Variants in ARHGAP31 observed in about 807,000 individuals in gnomAD.
The protein encoded by ARHGAP31 is rho GTPase-activating protein 31.
A neutral mutation model predicts 113.9 loss-of-function variants in ARHGAP31; 34 were observed. The observed-to-expected ratio is 0.30, with a 90% CI of 0.23 to 0.40. ARHGAP31 has a LOEUF of 0.40. ARHGAP31 is among the 10% of genes least tolerant of loss of function. The pLI, the probability that ARHGAP31 is intolerant of heterozygous loss-of-function variation, is 1.00. For synonymous variants in ARHGAP31, 650 were observed against 684.8 expected (o/e 0.95, Z 0.79); for missense variants, 1,548 against 1,767.1 (o/e 0.88, Z 2.22).
At position 119,419,719 on chromosome 3, in the gene ARHGAP31, C is replaced by T. The variant is rs1292212091; in HGVS notation, c.*3455C>T. On this transcript the variant is annotated 3_prime_UTR_variant, in exon 12 of 12. Transcript: ENST00000264245. The stretch of plus-strand genomic sequence containing the variant: ...ACGGTATTCAAGTGACCTACTGACT[C>T]CAAATAATCAAATTGAACACAATTG... The T allele has an allele frequency of 6.6e-6, 1 of 152,196 alleles. No individual in the cohort carries two copies. The highest frequency in any genetic ancestry group is 1.9e-4 in the East Asian group (1 of 5,198). 9.4% of individuals were successfully genotyped at this position (152,196 alleles called of 1,614,324 possible).
At position 119,415,938 on chromosome 3, in the gene ARHGAP31, C is replaced by T. The variant is rs1280590375; in HGVS notation, c.4009C>T (p.His1337Tyr). 3 of 1,614,052 alleles carry T rather than the reference C, an allele frequency of 1.9e-6. No individual in the cohort carries two copies. The highest frequency in any genetic ancestry group is 2.5e-6 in the Non-Finnish European group (3 of 1,180,052). The stretch of plus-strand genomic sequence containing the variant: ...ACCATCTGGGGGTTCTAAGCCTTTC[C>T]ACAGGTCAAGGCCAGGAAGACCTCA... ...ERPSGGSKPFHRSRPGRPQSL... is the reference protein window; with the variant it reads ...ERPSGGSKPFYRSRPGRPQSL... Residue 1337 changes from histidine (H) to tyrosine (Y), a missense_variant, in exon 12 of 12, where the codon CAC becomes TAC. By Grantham distance (83) the His-to-Tyr change is moderately conservative. Coordinates refer to ENST00000264245, the MANE Select transcript of ARHGAP31 (RefSeq NM_020754.4).
chr3:119,295,029 C>G (rs761986022), intron 1 of ARHGAP31, 25 bp downstream of exon 1: 8 of 1,603,992 alleles, frequency 5.0e-6, no homozygotes, highest in African/African-American at 1.3e-5. Flanking sequence ...CCTTTCTCCC[C>G]CGCCCCCACC....
chr3:119,391,589 A>ACCCCCAC (rs2080503828), intron 7 of ARHGAP31, among the ~76,000 whole-genome samples: 1 of 103,756 alleles, frequency 9.6e-6, no homozygotes, highest in Non-Finnish European at 2.0e-5. Flanking sequence ...CTGGGTCTCT[A>ACCCCCAC]CCCCCCCCTC....
chr3:119,325,619 T>C (rs2079834142), intron 1 of ARHGAP31, among the ~76,000 whole-genome samples: 1 of 136,016 alleles, frequency 7.4e-6, no homozygotes, highest in South Asian at 2.4e-4. Context: ...CTCCTAGTTC[T>C]GTATACCCAA....
intron 1 of ARHGAP31, among the ~76,000 whole-genome samples, chr3:119,345,996 C>G (rs1222137509): frequency 1.3e-5 from 2 of 152,238 alleles, no homozygotes; most frequent in African/African-American, 2.4e-5. Flanking sequence ...TCCGTCACAT[C>G]TCCTGCATCC....
At chr3:119,391,282 T>C (rs1705020804) in intron 7 of ARHGAP31, among the ~76,000 whole-genome samples, 1 of 152,178 alleles carries the variant, frequency 6.6e-6, no homozygotes, top group Non-Finnish European at 1.5e-5. Flanking sequence ...GAAATTCCTG[T>C]CTTTTTAGTG....
intron 1 of ARHGAP31, among the ~76,000 whole-genome samples, chr3:119,362,490 G>A (rs2080216928): frequency 1.3e-5 from 2 of 152,214 alleles, no homozygotes; most frequent in Non-Finnish European, 2.9e-5. Flanking sequence ...AGATGAGGCT[G>A]GGCGAGGTGG....
chr3:119,379,023 C>G (rs1357357408), intron 3 of ARHGAP31, among the ~76,000 whole-genome samples: 1 of 152,208 alleles, frequency 6.6e-6, no homozygotes, highest in Non-Finnish European at 1.5e-5. Flanking sequence ...AAGATTCCCA[C>G]ATAGAGAAGT....
intron 1 of ARHGAP31, among the ~76,000 whole-genome samples, chr3:119,355,573 G>A (rs754177134): frequency 2.0e-5 from 3 of 151,572 alleles, no homozygotes; most frequent in Non-Finnish European, 2.9e-5. Flanking sequence ...TGCCATGTTG[G>A]TGTGCTGCAC....
chr3:119,324,539 A>G (rs1010429618), intron 1 of ARHGAP31, among the ~76,000 whole-genome samples: 5 of 152,214 alleles, frequency 3.3e-5, no homozygotes, highest in African/African-American at 9.7e-5. Flanking sequence ...GTGAAATCCA[A>G]AAAGCTTGGG....
At chr3:119,350,452 T>C (rs1207428545) in intron 1 of ARHGAP31, among the ~76,000 whole-genome samples, 4 of 152,140 alleles carry the variant, frequency 2.6e-5, no homozygotes, top group Non-Finnish European at 5.9e-5. Flanking sequence ...GTCAGTAAAA[T>C]TGATTTTAGA....
In ARHGAP31 at chr3:119,313,413, A is replaced by G. The variant is rs77998891; in HGVS notation, c.100+18409A>G. 9.1e-3 allele frequency among the ~76,000 whole-genome samples: 1,384 copies of G among 152,326 alleles called. 33 individuals carry two copies. Among genetic ancestry groups the G allele is most frequent in the African/African-American group, 0.032 (1,312 of 41,556 alleles). On this transcript the variant is annotated intron_variant, in intron 1 of 11. Coordinates refer to ENST00000264245, the MANE Select transcript of ARHGAP31 (RefSeq NM_020754.4). Reference sequence around the variant, plus strand: ...GATTTCACTTATTATCTAAATATTGATCACTTATCTATTGAATATATGAGC... The same window carrying G: ...GATTTCACTTATTATCTAAATATTGGTCACTTATCTATTGAATATATGAGC...
At position 119,363,597 on chromosome 3, in the gene ARHGAP31, T is replaced by G. The variant is rs139929608; in HGVS notation, c.101-1719T>G. ...GTGAACTTTATTGAGCACTTAAAAT[T>G]ACAGTTACTTGAAGGCCACAAGGGA... On this transcript the variant is annotated intron_variant, in intron 1 of 11. Transcript: ENST00000264245. 4.0e-3 allele frequency among the ~76,000 whole-genome samples: 614 copies of G among 152,178 alleles called. 3 individuals are homozygous for G. Among genetic ancestry groups the G allele is most frequent in the South Asian group, 0.019 (91 of 4,820 alleles).
At chr3:119,330,502 G>A (rs2079883044) in intron 1 of ARHGAP31, among the ~76,000 whole-genome samples, 1 of 152,188 alleles carries the variant, frequency 6.6e-6, no homozygotes, top group Non-Finnish European at 1.5e-5. Context: ...TTTTAGGGTT[G>A]TTTTGTGGTT....
intron 1 of ARHGAP31, among the ~76,000 whole-genome samples, chr3:119,297,191 G>T (rs924616135): frequency 2.0e-5 from 3 of 152,314 alleles, no homozygotes; most frequent in East Asian, 1.9e-4. Flanking sequence ...TAGTTGGATG[G>T]TTTTTTTCTG....
Position 119,382,307 on chromosome 3 carries a change from G to C in ARHGAP31, c.447G>C (p.Leu149=). The change falls in exon 5 of 12, where the codon CTG becomes CTC. Residue 149 remains leucine (L), a synonymous_variant. Coordinates refer to ENST00000264245, the MANE Select transcript of ARHGAP31 (RefSeq NM_020754.4). Reference sequence around the variant, plus strand: ...ACCATTCTAGGACCTTGGAATACCTGATTCGACACCTGGCCCATATCGCCT... The same window carrying C: ...ACCATTCTAGGACCTTGGAATACCTCATTCGACACCTGGCCCATATCGCCT... The part of the protein sequence containing the change: ...PPSHYRTLEY[L]IRHLAHIASF... 1 of 1,614,138 alleles carries C rather than the reference G, an allele frequency of 6.2e-7. No individual in the cohort carries two copies. Among genetic ancestry groups the C allele is most frequent in the Non-Finnish European group, 8.5e-7 (1 of 1,180,000 alleles).
chr3:119,338,614 C>T (rs542851757), intron 1 of ARHGAP31, among the ~76,000 whole-genome samples: 1 of 152,220 alleles, frequency 6.6e-6, no homozygotes, highest in African/African-American at 2.4e-5. Context: ...ATTTTAATAT[C>T]TTTAAAGTAG....
At chr3:119,306,418 A>G (rs2079631050) in intron 1 of ARHGAP31, among the ~76,000 whole-genome samples, 1 of 152,128 alleles carries the variant, frequency 6.6e-6, no homozygotes, top group Admixed American at 6.5e-5. Context: ...TTAGCTGGGC[A>G]TGGTGGCGCG....
At chr3:119,357,281 G>GAGT (rs1391512532) in intron 1 of ARHGAP31, among the ~76,000 whole-genome samples, 1 of 152,192 alleles carries the variant, frequency 6.6e-6, no homozygotes, top group Non-Finnish European at 1.5e-5. Flanking sequence ...TAAGCAGGAG[G>GAGT]AGTTTCTCAG....
Sources: gnomAD v4.1 joint callset for allele counts (sites outside exome capture counted in the v4.1 genomes callset) on GRCh38, gnomAD v4.1.1 for gene constraint, MANE v1.5 for transcripts, NCBI Gene and HGNC (gene_info 2026-07-23, HGNC 2026-07-21) for gene names.